NAV2: variants seen among roughly 807,000 people sequenced by gnomAD.
The protein encoded by NAV2 is helicase, APC down-regulated 1.
Under a neutral mutation model 223.2 loss-of-function variants are expected in NAV2, and 54 were observed. That is an observed-to-expected ratio of 0.24 (90% CI 0.19 to 0.30). The LOEUF is 0.30. Ranked by LOEUF, NAV2 falls within the 10% of genes least tolerant of loss-of-function variation. NAV2 has a pLI of 1.00. For synonymous variants in NAV2, 1,279 were observed against 1,239.3 expected, an observed-to-expected ratio of 1.03 and a Z score of -0.67; for missense variants, 2,806 against 3,147.5, an observed-to-expected ratio of 0.89 and a Z score of 2.60.
At chr11:19,362,617 T>C (rs1021171049) in intron 1 of NAV2, among the ~76,000 whole-genome samples, 2 of 152,194 alleles carry the variant, frequency 1.3e-5, no homozygotes, top group Non-Finnish European at 2.9e-5. Context: ...TATTGGACAC[T>C]TGCCATCTGC....
intron 1 of NAV2, among the ~76,000 whole-genome samples, chr11:19,647,368 G>A (rs771179491): frequency 5.3e-5 from 8 of 151,990 alleles, no homozygotes; most frequent in African/African-American, 9.7e-5. Flanking sequence ...AAAATGTCCC[G>A]GCTTTTCTGA....
intron 1 of NAV2, among the ~76,000 whole-genome samples, chr11:19,730,804 TTTCAGCC>T (rs145296431): frequency 0.028 from 4,280 of 152,266 alleles, 197 homozygotes; most frequent in African/African-American, 0.097. Flanking sequence ...GGGGCATTCT[TTTCAGCC>T]TGATTGGATA....
chr11:19,966,341 T>C (rs1270768731), intron 10 of NAV2, among the ~76,000 whole-genome samples: 5 of 152,322 alleles, frequency 3.3e-5, no homozygotes, highest in Non-Finnish European at 7.4e-5. Context: ...CATTGGAGTG[T>C]CTGCTCCATG....
chr11:19,410,787 A>G (rs1298869587), intron 1 of NAV2, among the ~76,000 whole-genome samples: 1 of 152,164 alleles, frequency 6.6e-6, no homozygotes, highest in Non-Finnish European at 1.5e-5. Context: ...AGGCTGGTGT[A>G]TATACTTGTT....
chr11:19,822,587 T>TGA (rs2059438106), intron 1 of NAV2, among the ~76,000 whole-genome samples: 1 of 152,134 alleles, frequency 6.6e-6, no homozygotes, highest in African/African-American at 2.4e-5. Flanking sequence ...TGTGTGAGTA[T>TGA]CCCTTTGAAA....
At position 19,614,193 on chromosome 11, in the gene NAV2, C is replaced by T. The variant is rs527759041; in HGVS notation, c.76-218291C>T. 5.3e-5 allele frequency among the ~76,000 whole-genome samples: 8 copies of T among 152,092 alleles called. 1 individual carries two copies. The highest frequency in any genetic ancestry group is 1.2e-4 in the African/African-American group (5 of 41,474). On this transcript the variant is annotated intron_variant, in intron 1 of 37. Transcript: ENST00000360655. ...AATGAAGTTGATGTGGAAGCCCAGT[C>T]GATAAAGCAAATAAAATCTGGTGGG...
Position 19,899,238 on chromosome 11 carries a change from G to A in NAV2, c.931+6644G>A, listed in dbSNP as rs576608183. On this transcript the variant is annotated intron_variant, in intron 6 of 37. Transcript: ENST00000349880. ...AGAAGAGAAGAGCCAGACATGGCTC[G>A]AGACAGAATTTTATAACCTTCAGCA... 3.9e-5 allele frequency among the ~76,000 whole-genome samples: 6 copies of A among 152,208 alleles called. No homozygotes were observed. The East Asian group carries it at 5.8e-4, about 15-fold the overall frequency.
intron 6 of NAV2, among the ~76,000 whole-genome samples, chr11:19,900,368 G>A (rs558056728): frequency 8.5e-5 from 13 of 152,322 alleles, no homozygotes; most frequent in Middle Eastern, 3.4e-3. Context: ...TGCAAGTACC[G>A]TGAAGGCAGA....
At chr11:19,770,567 C>A (rs371136588) in intron 1 of NAV2, among the ~76,000 whole-genome samples, 1 of 152,176 alleles carries the variant, frequency 6.6e-6, no homozygotes, top group Non-Finnish European at 1.5e-5. Flanking sequence ...ATTCCAGAGG[C>A]ACCTGGCAAC....
At chr11:19,609,823 G>T (rs1357902806) in intron 1 of NAV2, among the ~76,000 whole-genome samples, 2 of 152,222 alleles carry the variant, frequency 1.3e-5, no homozygotes, top group Non-Finnish European at 1.5e-5. Flanking sequence ...AGAAAGAGTT[G>T]CTCAGTGGGT....
chr11:20,075,734 T>C (rs571546973), intron 22 of NAV2, among the ~76,000 whole-genome samples: 1 of 152,212 alleles, frequency 6.6e-6, no homozygotes, highest in South Asian at 2.1e-4. Context: ...TAGATTGAAA[T>C]GTCACTGTGC....
chr11:19,757,932 T>A (rs1245923038), intron 1 of NAV2, among the ~76,000 whole-genome samples: 1 of 152,202 alleles, frequency 6.6e-6, no homozygotes, highest in Non-Finnish European at 1.5e-5. Flanking sequence ...CTCTTGGTGC[T>A]GCCTCTCTCA....
upstream of NAV2, among the ~76,000 whole-genome samples, chr11:19,708,365 AT>A (rs2049738015): frequency 6.6e-6 from 1 of 152,038 alleles, no homozygotes; most frequent in Non-Finnish European, 1.5e-5. Context: ...ACTCATAAAT[AT>A]TTTGCTTTTT....
At chr11:19,765,242 A>G (rs112082429) in intron 1 of NAV2, among the ~76,000 whole-genome samples, 3 of 152,358 alleles carry the variant, frequency 2.0e-5, no homozygotes, top group African/African-American at 7.2e-5. Flanking sequence ...AGAGATAAGC[A>G]AACTTTTTCT....
intron 1 of NAV2, among the ~76,000 whole-genome samples, chr11:19,499,794 G>A (rs2134141470): frequency 6.6e-6 from 1 of 152,246 alleles, no homozygotes; most frequent in East Asian, 1.9e-4. Context: ...TGCCCCTTAG[G>A]CACTCATCTC....
intron 8 of NAV2, among the ~76,000 whole-genome samples, chr11:19,944,622 T>C (rs912195813): frequency 3.4e-5 from 5 of 146,970 alleles, no homozygotes; most frequent in African/African-American, 1.2e-4. Context: ...TCTTTCTTTT[T>C]CTTTTTTCTT....
At chr11:19,830,141 C>A (rs1006960232) in intron 1 of NAV2, among the ~76,000 whole-genome samples, 14 of 152,162 alleles carry the variant, frequency 9.2e-5, no homozygotes, top group Middle Eastern at 3.2e-3. Flanking sequence ...AGGAGAATTT[C>A]TTGAACCCGG....
chr11:19,583,173 CTGTT>C (rs2045778918), intron 1 of NAV2, among the ~76,000 whole-genome samples: 1 of 152,146 alleles, frequency 6.6e-6, no homozygotes, highest in Non-Finnish European at 1.5e-5. Context: ...ATTTTGCTCT[CTGTT>C]TCTCTGTTAT....
chr11:19,831,059 C>T (rs905485410), intron 1 of NAV2, among the ~76,000 whole-genome samples: 1 of 151,930 alleles, frequency 6.6e-6, no homozygotes, highest in Non-Finnish European at 1.5e-5. Flanking sequence ...ACAGGTGCTA[C>T]AGCTCTCATC....
Sources: allele counts gnomAD v4.1 joint callset (sites outside exome capture counted in the v4.1 genomes callset), GRCh38; gene constraint gnomAD v4.1.1; transcripts MANE v1.5; gene names NCBI Gene and HGNC (gene_info 2026-07-23, HGNC 2026-07-21).